CSMD1: variants seen among roughly 807,000 people sequenced by gnomAD.
CSMD1 encodes CUB and sushi domain-containing protein 1.
In CSMD1, 213 loss-of-function variants were observed where a neutral mutation model predicts 417.5. The ratio of observed to expected loss-of-function variants is 0.51; its 90% CI spans 0.46 to 0.57. CSMD1 has a LOEUF of 0.57. CSMD1 is among the 20% of genes least tolerant of loss of function. The pLI is 0.00. For missense variants in CSMD1, 6,923 were observed against 4,529.7 expected (o/e 1.53, Z -15.17); for synonymous variants, 2,862 against 1,736.8 (o/e 1.65, Z -16.11).
intron 3 of CSMD1, among the ~76,000 whole-genome samples, chr8:4,060,315 T>C (rs1028348114): frequency 1.3e-5 from 2 of 152,176 alleles, no homozygotes; most frequent in Non-Finnish European, 2.9e-5. Context: ...GAGTTATCTA[T>C]GACAAACCCA....
chr8:4,954,184 C>G lies in CSMD1; in HGVS notation c.85+40148G>C, dbSNP rs183576786. On this transcript the variant is annotated intron_variant, in intron 1 of 69. Transcript: ENST00000635120. ...TATTTGCCATTTAGAAATAAACAAACAGAAAACACATTATGTGTTCCCTAA... is the reference window on the plus strand; with the variant it reads ...TATTTGCCATTTAGAAATAAACAAAGAGAAAACACATTATGTGTTCCCTAA... Among the ~76,000 whole-genome samples, 22 of 152,200 alleles carry G rather than the reference C, an allele frequency of 1.4e-4. No homozygotes were observed. The East Asian group carries it at 4.2e-3, about 29-fold the overall frequency.
intron 1 of CSMD1, among the ~76,000 whole-genome samples, chr8:4,794,660 C>A (rs555967817): frequency 2.2e-4 from 34 of 152,266 alleles, no homozygotes; most frequent in Admixed American, 2.0e-3. Context: ...CCCATACCTT[C>A]TTTCTTCTGC....
At chr8:3,019,001 T>G (rs1782433399) in intron 51 of CSMD1, among the ~76,000 whole-genome samples, 1 of 152,176 alleles carries the variant, frequency 6.6e-6, no homozygotes, top group Non-Finnish European at 1.5e-5. Flanking sequence ...CACTGCTACC[T>G]CTACCTCCCC....
intron 52 of CSMD1, among the ~76,000 whole-genome samples, chr8:3,012,238 C>T (rs549200385): frequency 7.7e-4 from 118 of 152,288 alleles, no homozygotes; most frequent in Non-Finnish European, 1.2e-3. Context: ...TTCTTAGAAT[C>T]CAGACCAGGG....
intron 3 of CSMD1, among the ~76,000 whole-genome samples, chr8:4,040,335 G>C (rs967305048): frequency 3.3e-5 from 5 of 152,148 alleles, no homozygotes; most frequent in African/African-American, 9.7e-5. Context: ...GTATGTATCA[G>C]TAAGTACTAT....
chr8:4,783,380 T>G (rs1039715634), intron 1 of CSMD1, among the ~76,000 whole-genome samples: 2 of 152,174 alleles, frequency 1.3e-5, no homozygotes, highest in African/African-American at 4.8e-5. Context: ...AGCTGTACAG[T>G]GGCTGTTCCA....
intron 3 of CSMD1, among the ~76,000 whole-genome samples, chr8:4,213,567 C>G (rs1585034673): frequency 6.6e-6 from 1 of 152,282 alleles, no homozygotes; most frequent in South Asian, 2.1e-4. Flanking sequence ...AACACTTTTG[C>G]TCTCCCACTT....
chr8:3,384,196 A>T (rs1810821795), intron 18 of CSMD1, among the ~76,000 whole-genome samples: 1 of 152,300 alleles, frequency 6.6e-6, no homozygotes, highest in African/African-American at 2.4e-5. Context: ...ATAAATATGT[A>T]GACATCTTTA....
At chr8:4,354,003 G>C (rs1441877610) in intron 3 of CSMD1, among the ~76,000 whole-genome samples, 13 of 152,126 alleles carry the variant, frequency 8.5e-5, no homozygotes, top group Admixed American at 7.9e-4. Context: ...CTGCGTGGTT[G>C]TTCAGCACAT....
intron 5 of CSMD1, among the ~76,000 whole-genome samples, chr8:3,807,550 T>C (rs879943329): frequency 3.3e-5 from 5 of 152,198 alleles, no homozygotes; most frequent in Non-Finnish European, 7.4e-5. Flanking sequence ...TGTTAATTAG[T>C]TAATTGCACA....
chr8:4,985,610 C>A (rs1374615680), intron 1 of CSMD1, among the ~76,000 whole-genome samples: 3 of 152,074 alleles, frequency 2.0e-5, no homozygotes, highest in African/African-American at 4.8e-5. Flanking sequence ...GTAGTTCTAC[C>A]CAGATCACAT....
chr8:4,108,425 C>A (rs1801681764), intron 3 of CSMD1, among the ~76,000 whole-genome samples: 1 of 152,150 alleles, frequency 6.6e-6, no homozygotes, highest in African/African-American at 2.4e-5. Flanking sequence ...AAGTGACTGC[C>A]ATGTTGTTCA....
chr8:3,818,229 G>A (rs570905895), intron 5 of CSMD1, among the ~76,000 whole-genome samples: 3 of 152,028 alleles, frequency 2.0e-5, no homozygotes, highest in East Asian at 1.9e-4. Flanking sequence ...CCCACCCCAA[G>A]ATGCAGCCCC....
chr8:3,343,309 G>C lies in CSMD1; in HGVS notation c.3616C>G (p.Gln1206Glu). ...TNGSDTDQGF[Q>E]LTYTSFDLVK... is the part of the protein sequence containing the mutation. ...TGTTACTTACTGGTATAGGTGAGTT[G>C]AAAACCTTGGTCGGTGTCAGATCCA... The change falls in exon 23 of 70, where the codon CAA becomes GAA. Residue 1206 changes from glutamine to glutamate, a missense_variant. Transcript: ENST00000635120. The C allele has an allele frequency of 6.2e-7, 1 of 1,613,656 alleles. No homozygotes were observed. The highest frequency in any genetic ancestry group is 8.5e-7 in the Non-Finnish European group (1 of 1,179,628).
chr8:3,130,187 C>G (rs567284312), intron 41 of CSMD1, among the ~76,000 whole-genome samples: 13 of 152,054 alleles, frequency 8.5e-5, no homozygotes, highest in Admixed American at 8.5e-4. Flanking sequence ...ATGTAATGAG[C>G]AAGTTTAACA....
At chr8:4,075,100 G>C (rs75480087) in intron 3 of CSMD1, among the ~76,000 whole-genome samples, 3,852 of 152,090 alleles carry the variant, frequency 0.025, 65 homozygotes, top group Admixed American at 0.041. Flanking sequence ...ATTAGACAAA[G>C]AACAAAGTTG....
intron 3 of CSMD1, among the ~76,000 whole-genome samples, chr8:4,083,348 C>T (rs1233847159): frequency 1.3e-5 from 2 of 152,142 alleles, no homozygotes; most frequent in Non-Finnish European, 1.5e-5. Context: ...TTTTGATTTG[C>T]ATTTCTCTGA....
intron 7 of CSMD1, among the ~76,000 whole-genome samples, chr8:3,644,168 A>T (rs1398485941): frequency 1.3e-5 from 2 of 152,198 alleles, no homozygotes; most frequent in Non-Finnish European, 1.5e-5. Context: ...CCCCCAATGT[A>T]GACTTACTGA....
At chr8:4,032,590 A>T (rs940609171) in intron 3 of CSMD1, among the ~76,000 whole-genome samples, 3 of 152,184 alleles carry the variant, frequency 2.0e-5, no homozygotes, top group Admixed American at 6.5e-5. Context: ...CTCAATCAAC[A>T]TTTGATGGAT....
Sources: gnomAD v4.1 joint callset for allele counts (sites outside exome capture counted in the v4.1 genomes callset) on GRCh38, gnomAD v4.1.1 for gene constraint, MANE v1.5 for transcripts, NCBI Gene and HGNC (gene_info 2026-07-23, HGNC 2026-07-21) for gene names.